Variants in ARL8B observed in about 807,000 individuals in gnomAD.
ARL8B encodes the protein ADP-ribosylation factor-like protein 8B.
In ARL8B, 9 loss-of-function variants were observed where a neutral mutation model predicts 30.6. The ratio of observed to expected loss-of-function variants is 0.29; its 90% CI spans 0.18 to 0.51. The LOEUF (loss-of-function observed/expected upper bound fraction) is 0.51. Ranked by LOEUF, ARL8B falls within the 20% of genes least tolerant of loss-of-function variation. The pLI, the probability that ARL8B is intolerant of heterozygous loss-of-function variation, is 0.97. For synonymous variants in ARL8B, 74 were observed against 76.0 expected, an observed-to-expected ratio of 0.97 and a Z score of 0.14; for missense variants, 130 against 227.2, an observed-to-expected ratio of 0.57 and a Z score of 2.75.
intron 1 of ARL8B, among the ~76,000 whole-genome samples, chr3:5,151,856 C>G (rs12497542): frequency 0.37 from 56,238 of 151,854 alleles, 11,362 homozygotes; most frequent in African/African-American, 0.55. Context: ...TCTTGAGTAC[C>G]TGGGACCACA....
chr3:5,122,448 T>TCC lies in ARL8B; in HGVS notation c.-17_-16insCC. 1 of 1,612,168 alleles carries TCC rather than the reference T, an allele frequency of 6.2e-7. No individual in the cohort carries two copies. Among genetic ancestry groups the TCC allele is most frequent in the South Asian group, 1.1e-5 (1 of 90,986 alleles). On this transcript the variant is annotated 5_prime_UTR_variant, in exon 1 of 7. Transcript: ENST00000256496. ...CGCTCGTCCGTCCTCCCGTCCGTTCTCGCTCCCGGCCGCCATCATGCTGGC... is the reference window on the plus strand; with the variant it reads ...CGCTCGTCCGTCCTCCCGTCCGTTCTCCCGCTCCCGGCCGCCATCATGCTGGC...
chr3:5,126,085 T>G (rs1011036097), intron 1 of ARL8B, among the ~76,000 whole-genome samples: 6 of 151,388 alleles, frequency 4.0e-5, no homozygotes, highest in African/African-American at 1.5e-4. Flanking sequence ...GCTTTTAAGA[T>G]GCTGAAAGGG....
intron 1 of ARL8B, among the ~76,000 whole-genome samples, chr3:5,137,665 T>C (rs1042947852): frequency 6.6e-6 from 1 of 152,162 alleles, no homozygotes; most frequent in African/African-American, 2.4e-5. Context: ...TCTCAACTCC[T>C]GATCTCAAAT....
At chr3:5,146,731 G>A (rs1475309081) in intron 1 of ARL8B, among the ~76,000 whole-genome samples, 2 of 152,142 alleles carry the variant, frequency 1.3e-5, no homozygotes, top group African/African-American at 2.4e-5. Context: ...GAACATATAA[G>A]AGTGACCTCT....
At chr3:5,141,339 T>C (rs2054371712) in intron 1 of ARL8B, among the ~76,000 whole-genome samples, 1 of 152,240 alleles carries the variant, frequency 6.6e-6, no homozygotes, top group Non-Finnish European at 1.5e-5. Context: ...TAAACCCTTT[T>C]GGTCCTCAAA....
At chr3:5,126,305 TA>T (rs1288333317) in intron 1 of ARL8B, among the ~76,000 whole-genome samples, 1 of 152,178 alleles carries the variant, frequency 6.6e-6, no homozygotes, top group African/African-American at 2.4e-5. Flanking sequence ...GTATTGTATA[TA>T]AAATAGTTGC....
intron 4 of ARL8B, among the ~76,000 whole-genome samples, 165 bp from the exon 5 acceptor site, chr3:5,173,852 T>C (rs753826356): frequency 1.6e-4 from 24 of 152,218 alleles, no homozygotes; most frequent in Non-Finnish European, 2.8e-4. Flanking sequence ...TGAATACAAG[T>C]GTGAGCAATG....
rs543109571 is a variant in ARL8B, at chr3:5,122,321, C to T, written c.-145C>T. On this transcript the variant is annotated 5_prime_UTR_variant, in exon 1 of 7. Transcript: ENST00000256496. ...GATCCGCTCGGCTTCCTGGGTCTGG[C>T]TGCTGCCGCCCGCCGGTGTCCGCCC... is the stretch of plus-strand genomic sequence containing the variant. The T allele has an allele frequency of 1.2e-4, 179 of 1,523,400 alleles. No individual in the cohort carries two copies. Among genetic ancestry groups the T allele is most frequent in the Non-Finnish European group, 1.5e-4 (172 of 1,136,600 alleles). The allele number at this position is 1,523,400 out of a possible 1,614,324, so 94.4% of individuals were successfully genotyped here. A position where few individuals can be genotyped will look rare whatever the true frequency, so the allele number is the denominator to read the frequency against.
chr3:5,153,170 C>T (rs897268224), intron 1 of ARL8B, among the ~76,000 whole-genome samples: 1 of 152,160 alleles, frequency 6.6e-6, no homozygotes, highest in African/African-American at 2.4e-5. Flanking sequence ...GTAGAGGCCC[C>T]TTTACCTTCC....
intron 1 of ARL8B, among the ~76,000 whole-genome samples, chr3:5,150,350 C>G (rs1346655357): frequency 6.6e-6 from 1 of 151,796 alleles, no homozygotes; most frequent in Non-Finnish European, 1.5e-5. Context: ...GTAATCCCAG[C>G]TACTCAGGAG....
chr3:5,136,520 G>T (rs139772848), intron 1 of ARL8B, among the ~76,000 whole-genome samples: 1 of 152,306 alleles, frequency 6.6e-6, no homozygotes, highest in Non-Finnish European at 1.5e-5. Flanking sequence ...ACTTTATAGT[G>T]TTCCATGTGC....
At chr3:5,169,882 C>G (rs528229237) in intron 1 of ARL8B, among the ~76,000 whole-genome samples, 1 of 152,144 alleles carries the variant, frequency 6.6e-6, no homozygotes, top group Non-Finnish European at 1.5e-5. Flanking sequence ...AATTCGAGTT[C>G]TGTATAGGAA....
At chr3:5,140,416 T>C (rs977960258) in intron 1 of ARL8B, among the ~76,000 whole-genome samples, 1 of 152,212 alleles carries the variant, frequency 6.6e-6, no homozygotes, top group Non-Finnish European at 1.5e-5. Context: ...GCCCCTTTAC[T>C]CTTTCTTCAT....
intron 2 of ARL8B, among the ~76,000 whole-genome samples, chr3:5,171,740 A>G (rs1438846636): frequency 6.6e-6 from 1 of 152,274 alleles, no homozygotes; most frequent in Non-Finnish European, 1.5e-5. Flanking sequence ...ATGTAGAACA[A>G]ATCAGACGAT....
intron 6 of ARL8B, among the ~76,000 whole-genome samples, chr3:5,175,993 G>C (rs2054726744): frequency 2.0e-5 from 3 of 152,066 alleles, no homozygotes; most frequent in Admixed American, 1.3e-4. Flanking sequence ...ACTTTTTAGG[G>C]GGACATTAAA....
intron 1 of ARL8B, among the ~76,000 whole-genome samples, chr3:5,147,500 C>T (rs1043972947): frequency 6.6e-6 from 1 of 152,122 alleles, no homozygotes; most frequent in African/African-American, 2.4e-5. Flanking sequence ...TTTCCACACT[C>T]GTAACATCCA....
chr3:5,168,254 A>G (rs1213906380), intron 1 of ARL8B, among the ~76,000 whole-genome samples: 1 of 152,146 alleles, frequency 6.6e-6, no homozygotes, highest in Non-Finnish European at 1.5e-5. Flanking sequence ...TTGTATTTGT[A>G]GAGAGAAGGT....
rs773818121 is a variant in ARL8B, at chr3:5,172,679, T to C, written c.311T>C (p.Ile104Thr). 6.2e-7 allele frequency: 1 copy of C among 1,612,660 alleles called. No individual in the cohort carries two copies. The highest frequency in any genetic ancestry group is 2.2e-5 in the East Asian group (1 of 44,736). Residue 104 changes from isoleucine (I) to threonine (T), a missense_variant, in exon 4 of 7, where the codon ATA becomes ACA. Physicochemically the swap from Ile to Thr is moderately conservative, Grantham distance 89. Coordinates refer to ENST00000256496, the MANE Select transcript of ARL8B (RefSeq NM_018184.3). ...ATAGATGCTGCAGATCGTGAAAAGA[T>C]AGAAGCTTCCCGAAATGAGCTACAT... ...YMIDAADREK[I>T]EASRNELHNL...
chr3:5,122,324 C>A lies in ARL8B; in HGVS notation c.-142C>A. The A allele has an allele frequency of 6.6e-7, 1 of 1,525,414 alleles. No homozygotes were observed. The highest frequency in any genetic ancestry group is 2.0e-5 in the Admixed American group (1 of 50,564). The allele number at this position is 1,525,414 out of a possible 1,614,324, so 94.5% of individuals were successfully genotyped here. A position where few individuals can be genotyped will look rare whatever the true frequency, so the allele number is the denominator to read the frequency against. ...CCGCTCGGCTTCCTGGGTCTGGCTG[C>A]TGCCGCCCGCCGGTGTCCGCCCGTG... On this transcript the variant is annotated 5_prime_UTR_variant, in exon 1 of 7. It adds an upstream start codon to the 5' untranslated region. Coordinates refer to ENST00000256496, the MANE Select transcript of ARL8B (RefSeq NM_018184.3).
Sources: allele counts gnomAD v4.1 joint callset (sites outside exome capture counted in the v4.1 genomes callset), GRCh38; gene constraint gnomAD v4.1.1; transcripts MANE v1.5; gene names NCBI Gene and HGNC (gene_info 2026-07-23, HGNC 2026-07-21).